FRRS1: variants seen among roughly 807,000 people sequenced by gnomAD.
FRRS1 encodes the protein ferric reductase 1.
FRRS1 carries 51 observed loss-of-function variants against 70.7 expected under a neutral mutation model. The ratio of observed to expected loss-of-function variants is 0.72; its 90% CI spans 0.58 to 0.91. The LOEUF (loss-of-function observed/expected upper bound fraction) is 0.91, where lower values mean the gene tolerates loss of function less well. Among genes scored for constraint, FRRS1 ranks in the 40% least tolerant of loss-of-function variants. FRRS1 has a pLI of 0.00. For missense variants in FRRS1, 672 were observed against 726.0 expected (o/e 0.93, Z 0.86); for synonymous variants, 225 against 238.7 (o/e 0.94, Z 0.53).
intron 1 of FRRS1, among the ~76,000 whole-genome samples, chr1:99,765,001 C>A (rs1372829342): frequency 6.6e-6 from 1 of 152,192 alleles, no homozygotes; most frequent in Non-Finnish European, 1.5e-5. Context: ...GTAAAGGTGT[C>A]CTACACATTG....
Position 99,736,396 on chromosome 1 carries a change from G to A in FRRS1, c.759+1690C>T, listed in dbSNP as rs191582022. Among the ~76,000 whole-genome samples, 9 of 152,040 alleles carry A rather than the reference G, an allele frequency of 5.9e-5. No homozygotes were observed. The East Asian group carries it at 1.7e-3, about 29-fold the overall frequency. ...TATCTTTTGTATCTCATAGACTTAA[G>A]GTATATCTTTTGTTTAATGAAAGAA... On this transcript the variant is annotated intron_variant, in intron 7 of 16. Coordinates refer to ENST00000646001, the MANE Select transcript of FRRS1 (RefSeq NM_001361041.2).
chr1:99,735,943 T>C (rs994900378), intron 7 of FRRS1, among the ~76,000 whole-genome samples: 1 of 151,684 alleles, frequency 6.6e-6, no homozygotes, highest in Non-Finnish European at 1.5e-5. Context: ...ATAAGTTGGA[T>C]TTTTTTTTAA....
At chr1:99,744,990 A>G (rs1399481145) in intron 4 of FRRS1, among the ~76,000 whole-genome samples, 3 of 118,242 alleles carry the variant, frequency 2.5e-5, no homozygotes, top group African/African-American at 8.4e-5. Context: ...AAAAAAAAAA[A>G]AAAAAAAGAA....
At chr1:99,716,697 T>A (rs1208424045) in intron 11 of FRRS1, among the ~76,000 whole-genome samples, 1 of 152,218 alleles carries the variant, frequency 6.6e-6, no homozygotes, top group Admixed American at 6.5e-5. Flanking sequence ...GAACAAGCAG[T>A]ATTTTTTTCT....
At position 99,717,392 on chromosome 1, in the gene FRRS1, C is replaced by T; in HGVS notation, c.1236+18G>A. 1 of 1,516,832 alleles carries T rather than the reference C, an allele frequency of 6.6e-7. No homozygotes were observed. Among genetic ancestry groups the T allele is most frequent in the Non-Finnish European group, 9.2e-7 (1 of 1,091,526 alleles). The allele number at this position is 1,516,832 out of a possible 1,614,324, so 94.0% of individuals were successfully genotyped here. On this transcript the variant is annotated intron_variant, in intron 11 of 16. Transcript: ENST00000646001. Reference sequence around the variant, plus strand: ...CAAATACTATGAATATTGCATTGAACTTTTTTCCCTCACCTACCTGAAACC... The same window carrying T: ...CAAATACTATGAATATTGCATTGAATTTTTTTCCCTCACCTACCTGAAACC...
chr1:99,708,625 A>AAAAAAAAAT lies in FRRS1; in HGVS notation c.*402_*403insATTTTTTTT, dbSNP rs1553169357. On this transcript the variant is annotated 3_prime_UTR_variant, in exon 17 of 17. Transcript: ENST00000646001. ...AAAAAAAAAAAAAAAAAAAAAAAAA[A>AAAAAAAAAT]ATATATATATATATATATATATATA... The AAAAAAAAAT allele has an allele frequency of 1.9e-5, 1 of 52,734 alleles. No individual in the cohort carries two copies. The highest frequency in any genetic ancestry group is 8.6e-5 in the African/African-American group (1 of 11,676). The allele number at this position is 52,734 out of a possible 1,614,324, so 3.3% of individuals were successfully genotyped here. A position where few individuals can be genotyped will look rare whatever the true frequency, so the allele number is the denominator to read the frequency against.
chr1:99,710,948 C>A lies in FRRS1; in HGVS notation c.1482G>T (p.Val494=). ...AATCCATTCCCAGGAACATCGCTGCCACTACATACAAAAGAAAAAAGTTAC... is the reference window on the plus strand; with the variant it reads ...AATCCATTCCCAGGAACATCGCTGCAACTACATACAAAAGAAAAAAGTTAC... ...SMGTAARIIA[V]AAMFLGMDLP... is the part of the protein sequence containing the mutation. The change falls in exon 15 of 17, where the codon GTG becomes GTT. Residue 494 remains valine, a splice_region_variant and synonymous_variant. Coordinates refer to ENST00000646001, the MANE Select transcript of FRRS1 (RefSeq NM_001361041.2). 1 of 1,611,778 alleles carries A rather than the reference C, an allele frequency of 6.2e-7. No individual in the cohort carries two copies. Among genetic ancestry groups the A allele is most frequent in the South Asian group, 1.1e-5 (1 of 90,738 alleles).
intron 12 of FRRS1, 95 bp downstream of exon 12, chr1:99,715,491 G>A: frequency 1.3e-6 from 1 of 760,698 alleles, no homozygotes; most frequent in Non-Finnish European, 2.3e-6. Context: ...GATCAATGCT[G>A]AAATATCTTT....
At chr1:99,736,210 A>G (rs1489592333) in intron 7 of FRRS1, among the ~76,000 whole-genome samples, 1 of 152,230 alleles carries the variant, frequency 6.6e-6, no homozygotes, top group African/African-American at 2.4e-5. Context: ...AAGAATATCC[A>G]AAAGAATATG....
At chr1:99,719,042 G>A (rs1192990618) in intron 10 of FRRS1, among the ~76,000 whole-genome samples, 1 of 148,268 alleles carries the variant, frequency 6.7e-6, no homozygotes, top group Non-Finnish European at 1.5e-5. Context: ...CAAACATTAA[G>A]ATAGATGATG....
At chr1:99,745,983 A>G (rs1656242267) in intron 4 of FRRS1, among the ~76,000 whole-genome samples, 1 of 124,882 alleles carries the variant, frequency 8.0e-6, no homozygotes. Flanking sequence ...AGGCCTCCCT[A>G]AGGCCTCCCC....
In FRRS1 at chr1:99,710,934, A is replaced by G. The variant is rs781542301; in HGVS notation, c.1496T>C (p.Leu499Pro). 6 of 1,613,514 alleles carry G rather than the reference A, an allele frequency of 3.7e-6. No individual in the cohort carries two copies. In the East Asian group the frequency reaches 6.7e-5, roughly 18 times the overall value. ...ATTCAGTCCTGGTAAATCCATTCCC[A>G]GGAACATCGCTGCCACTACATACAA... ...ARIIAVAAMF[L>P]GMDLPGLNLP... Residue 499 changes from leucine (L) to proline (P), a missense_variant, in exon 15 of 17, where the codon CTG (leucine) becomes CCG (proline). By Grantham distance (98) the Leu-to-Pro change is moderately conservative. Coordinates refer to ENST00000646001, the MANE Select transcript of FRRS1 (RefSeq NM_001361041.2).
Position 99,708,919 on chromosome 1 carries a change from T to C in FRRS1, c.*109A>G. 4 of 1,613,736 alleles carry C rather than the reference T, an allele frequency of 2.5e-6. No homozygotes were observed. The South Asian group carries it at 3.3e-5, about 13-fold the overall frequency. On this transcript the variant is annotated 3_prime_UTR_variant, in exon 17 of 17. Transcript: ENST00000646001. Reference sequence around the variant, plus strand: ...TCCTCTACAGACATGACCCCAGTCTTCCAAGTGAGAATTCACAAATATGCT... The same window carrying C: ...TCCTCTACAGACATGACCCCAGTCTCCCAAGTGAGAATTCACAAATATGCT...
intron 15 of FRRS1, among the ~76,000 whole-genome samples, 167 bp downstream of exon 15, chr1:99,710,639 T>TA (rs910591188): frequency 2.6e-5 from 4 of 152,152 alleles, no homozygotes; most frequent in African/African-American, 7.2e-5. Flanking sequence ...GTAACAAATG[T>TA]AAAAAAACAA....
intron 9 of FRRS1, among the ~76,000 whole-genome samples, chr1:99,726,224 C>T (rs1315424860): frequency 6.6e-6 from 1 of 152,196 alleles, no homozygotes; most frequent in South Asian, 2.1e-4. Context: ...GTGGCTACTT[C>T]CCCTTTGCCT....
Position 99,704,045 on chromosome 1 carries a change from T to C in FRRS1, c.*4983A>G, listed in dbSNP as rs1354650532. Among the ~76,000 whole-genome samples, 3 of 152,152 alleles carry C rather than the reference T, an allele frequency of 2.0e-5. No individual in the cohort carries two copies. Among genetic ancestry groups the C allele is most frequent in the African/African-American group, 7.2e-5 (3 of 41,432 alleles). On this transcript the variant is annotated 3_prime_UTR_variant, in exon 17 of 17. Transcript: ENST00000646001. ...AAATATTTTTTATAAAAAGTATACA[T>C]TTTACATGCAAAATTTATTAAGTTT...
At chr1:99,737,781 C>T (rs908362010) in intron 7 of FRRS1, among the ~76,000 whole-genome samples, 6 of 152,098 alleles carry the variant, frequency 3.9e-5, no homozygotes, top group African/African-American at 1.4e-4. Flanking sequence ...CTCACTCTGT[C>T]GCCCAGGCTG....
chr1:99,730,815 C>T (rs1001263408), intron 7 of FRRS1, among the ~76,000 whole-genome samples: 2 of 146,710 alleles, frequency 1.4e-5, no homozygotes, highest in Admixed American at 7.0e-5. Context: ...GGCAGTGAGC[C>T]GAGATCGCGC....
chr1:99,735,660 A>G (rs1655617241), intron 7 of FRRS1, among the ~76,000 whole-genome samples: 1 of 152,228 alleles, frequency 6.6e-6, no homozygotes, highest in African/African-American at 2.4e-5. Flanking sequence ...CACCTGCGTA[A>G]TTAAGCCTTT....
Sources: gnomAD v4.1 joint callset for allele counts (sites outside exome capture counted in the v4.1 genomes callset) on GRCh38, gnomAD v4.1.1 for gene constraint, MANE v1.5 for transcripts, NCBI Gene and HGNC (gene_info 2026-07-23, HGNC 2026-07-21) for gene names.